The following SLC5A3 variants were observed in gnomAD, a reference collection of about 807,000 sequenced individuals.
The protein encoded by SLC5A3 is sodium/myo-inositol cotransporter.
SLC5A3 carries 10 observed loss-of-function variants against 43.2 expected under a neutral mutation model. The ratio of observed to expected loss-of-function variants is 0.23; its 90% CI spans 0.14 to 0.39. SLC5A3 has a LOEUF of 0.39. SLC5A3 is among the 10% of genes least tolerant of loss of function. SLC5A3 has a pLI of 1.00. For missense variants in SLC5A3, 608 were observed against 893.4 expected, an observed-to-expected ratio of 0.68 and a Z score of 4.07; for synonymous variants, 349 against 322.0, an observed-to-expected ratio of 1.08 and a Z score of -0.90.
At chr21:34,085,296 T>C (rs931945554) in intron 1 of SLC5A3, among the ~76,000 whole-genome samples, 1 of 152,178 alleles carries the variant, frequency 6.6e-6, no homozygotes, top group Non-Finnish European at 1.5e-5. Flanking sequence ...GATTAGCCAT[T>C]GTTGACAGGA....
At chr21:34,076,706 T>C (rs1355882439) in intron 1 of SLC5A3, among the ~76,000 whole-genome samples, 1 of 152,250 alleles carries the variant, frequency 6.6e-6, no homozygotes, top group Non-Finnish European at 1.5e-5. Flanking sequence ...GGTTAAATTC[T>C]GAAATATGAC....
Position 34,095,038 on chromosome 21 carries a change from C to G in SLC5A3, c.-161C>G. 1.2e-6 allele frequency: 1 copy of G among 823,274 alleles called. No individual in the cohort carries two copies. Among genetic ancestry groups the G allele is most frequent in the East Asian group, 2.8e-5 (1 of 35,680 alleles). 51.0% of individuals were successfully genotyped at this position (823,274 alleles called of 1,614,324 possible). On this transcript the variant is annotated 5_prime_UTR_variant, in exon 2 of 2. Transcript: ENST00000381151. ...TCTTCAAAGTTTATCACAACCACCA[C>G]CATCAAGACAGCAAACCAAAGGACA...
chr21:34,102,565 C>A lies in SLC5A3; in HGVS notation c.*5210C>A. The A allele has an allele frequency of 1.0e-6, 1 of 999,894 alleles. No individual in the cohort carries two copies. The highest frequency in any genetic ancestry group is 1.2e-6 in the Non-Finnish European group (1 of 829,698). The allele number at this position is 999,894 out of a possible 1,614,324, so 61.9% of individuals were successfully genotyped here. On this transcript the variant is annotated 3_prime_UTR_variant, in exon 2 of 2. Coordinates refer to ENST00000381151, the MANE Select transcript of SLC5A3 (RefSeq NM_006933.7). ...AATCTTGTGCACTTTACTTTTTGGG[C>A]AGTACCATACATAGTCTGAGGCTAT...
chr21:34,077,311 C>G (rs1007659296), intron 1 of SLC5A3, among the ~76,000 whole-genome samples: 2 of 152,110 alleles, frequency 1.3e-5, no homozygotes, highest in Non-Finnish European at 2.9e-5. Context: ...CTTGGGTATA[C>G]AGGAAGAAGA....
intron 1 of SLC5A3, among the ~76,000 whole-genome samples, chr21:34,093,283 A>G (rs1282381129): frequency 7.6e-6 from 1 of 131,866 alleles, no homozygotes; most frequent in African/African-American, 2.8e-5. Context: ...AATCTTATTT[A>G]TGCCAGCCGT....
At chr21:34,073,909 C>G (rs555397280) in intron 1 of SLC5A3, among the ~76,000 whole-genome samples, 164 bp downstream of exon 1, 2 of 145,390 alleles carry the variant, frequency 1.4e-5, no homozygotes, top group East Asian at 4.0e-4. Context: ...GAAGGGGGCG[C>G]GCGTGGGCCG....
chr21:34,078,572 T>C (rs1423796168), intron 1 of SLC5A3, among the ~76,000 whole-genome samples: 1 of 152,228 alleles, frequency 6.6e-6, no homozygotes, highest in Non-Finnish European at 1.5e-5. Flanking sequence ...ATGCAGACTA[T>C]TGAATCTTCT....
chr21:34,091,636 T>G (rs1978699520), intron 1 of SLC5A3, among the ~76,000 whole-genome samples: 1 of 152,232 alleles, frequency 6.6e-6, no homozygotes, highest in Non-Finnish European at 1.5e-5. Flanking sequence ...CAGTTGCAAT[T>G]TAATTTATCC....
In SLC5A3 at chr21:34,099,960, G is replaced by C; in HGVS notation, c.*2605G>C. 2.2e-6 allele frequency: 1 copy of C among 463,646 alleles called. No individual in the cohort carries two copies. The highest frequency in any genetic ancestry group is 2.9e-6 in the Non-Finnish European group (1 of 339,962). The allele number at this position is 463,646 out of a possible 1,614,324, so 28.7% of individuals were successfully genotyped here. On this transcript the variant is annotated 3_prime_UTR_variant, in exon 2 of 2. Transcript: ENST00000381151. ...CCAGTCTTCAATCTATATTTCATTAGAATGATTGTTCCTGGAATGATCATA... is the reference window on the plus strand; with the variant it reads ...CCAGTCTTCAATCTATATTTCATTACAATGATTGTTCCTGGAATGATCATA...
chr21:34,095,308 G>T lies in SLC5A3; in HGVS notation c.110G>T (p.Ser37Ile), dbSNP rs1432399615. 6.2e-7 allele frequency: 1 copy of T among 1,614,132 alleles called. No homozygotes were observed. Among genetic ancestry groups the T allele is most frequent in the Admixed American group, 1.7e-5 (1 of 60,026 alleles). ...AMWKSNRSTV[S>I]GYFLAGRSMT... ...TGGAAATCTAATAGAAGCACCGTGA[G>T]TGGATACTTCCTGGCGGGGCGCTCT... Residue 37 changes from serine to isoleucine, a missense_variant, in exon 2 of 2, where the codon AGT (serine) becomes ATT (isoleucine). By Grantham distance (142) the Ser-to-Ile change is moderately radical. Around this residue, in one of 2 missense-constraint regions of SLC5A3, gnomAD observed 398 missense variants for 668.6 expected, o/e 0.60. Transcript: ENST00000381151.
At position 34,101,976 on chromosome 21, in the gene SLC5A3, G is replaced by C. The variant is rs1979257537; in HGVS notation, c.*4621G>C. On this transcript the variant is annotated 3_prime_UTR_variant, in exon 2 of 2. Coordinates refer to ENST00000381151, the MANE Select transcript of SLC5A3 (RefSeq NM_006933.7). ...TTGATGCCAAAAAGGTTTTTTTGCA[G>C]TAAAAGTAAAAATTTGGAATTAGTT... 1.0e-6 allele frequency: 1 copy of C among 1,000,092 alleles called. No individual in the cohort carries two copies. Among genetic ancestry groups the C allele is most frequent in the African/African-American group, 1.7e-5 (1 of 57,344 alleles). 62.0% of individuals were successfully genotyped at this position (1,000,092 alleles called of 1,614,324 possible).
At chr21:34,075,143 G>A (rs1019221174) in intron 1 of SLC5A3, among the ~76,000 whole-genome samples, 4 of 152,252 alleles carry the variant, frequency 2.6e-5, no homozygotes, top group African/African-American at 4.8e-5. Flanking sequence ...GGTGGAAGTT[G>A]TTTAAGCCCT....
rs1291328516 is a variant in SLC5A3, at chr21:34,102,383, TGTTTCC to T, written c.*5029_*5034del. The T allele has an allele frequency of 9.0e-6, 9 of 999,232 alleles. No individual in the cohort carries two copies. Among genetic ancestry groups the T allele is most frequent in the African/African-American group, 1.7e-5 (1 of 57,234 alleles). The allele number at this position is 999,232 out of a possible 1,614,324, so 61.9% of individuals were successfully genotyped here. On this transcript the variant is annotated 3_prime_UTR_variant, in exon 2 of 2. Coordinates refer to ENST00000381151, the MANE Select transcript of SLC5A3 (RefSeq NM_006933.7). The stretch of plus-strand genomic sequence containing the variant: ...TGAGAATTGATGTAATTTCTGTTTC[TGTTTCC>T]ATCTAAACTTCTTTATAAAAAGAGG...
chr21:34,086,727 G>A (rs909000906), intron 1 of SLC5A3, among the ~76,000 whole-genome samples: 3 of 152,166 alleles, frequency 2.0e-5, no homozygotes, highest in Admixed American at 2.0e-4. Flanking sequence ...CAAACATGTA[G>A]TGTAAAAATA....
rs1163681728 is a variant in SLC5A3 at position 34,100,197 on chromosome 21, T to G, written c.*2842T>G. 2.0e-6 allele frequency: 2 copies of G among 1,000,266 alleles called. No individual in the cohort carries two copies. The highest frequency in any genetic ancestry group is 1.1e-4 in the East Asian group (1 of 8,820). 62.0% of individuals were successfully genotyped at this position (1,000,266 alleles called of 1,614,324 possible). ...TGGAAGGTAGAGAAAAATAAATGTC[T>G]TACCAGGTGTTAATGGTATCCCCAG... On this transcript the variant is annotated 3_prime_UTR_variant, in exon 2 of 2. Coordinates refer to ENST00000381151, the MANE Select transcript of SLC5A3 (RefSeq NM_006933.7).
chr21:34,091,862 T>C (rs1978712507), intron 1 of SLC5A3, among the ~76,000 whole-genome samples: 1 of 152,130 alleles, frequency 6.6e-6, no homozygotes, highest in Non-Finnish European at 1.5e-5. Context: ...AGAAGCTTTT[T>C]AAGAAAAAAA....
In SLC5A3 at chr21:34,102,061, C is replaced by G. The variant is rs1173154477; in HGVS notation, c.*4706C>G. 6.0e-6 allele frequency: 6 copies of G among 999,808 alleles called. No individual in the cohort carries two copies. Among genetic ancestry groups the G allele is most frequent in the Non-Finnish European group, 7.2e-6 (6 of 829,706 alleles). The allele number at this position is 999,808 out of a possible 1,614,324, so 61.9% of individuals were successfully genotyped here. On this transcript the variant is annotated 3_prime_UTR_variant, in exon 2 of 2. Transcript: ENST00000381151. ...TGAGGCTGGATTGTGAAAAGGTAAT[C>G]TTTCGATTGCTAGACTTGGTTAACT... is the stretch of plus-strand genomic sequence containing the variant.
In SLC5A3 at chr21:34,098,001, T is replaced by C. The variant is rs896822468; in HGVS notation, c.*646T>C. On this transcript the variant is annotated 3_prime_UTR_variant, in exon 2 of 2. Transcript: ENST00000381151. ...AACTTTGTTCCAGTTCCTTTTTTTT[T>C]TTCTTTCTACTTTCAAGTTTAAGTG... The C allele has an allele frequency of 8.0e-6, 8 of 999,176 alleles. No individual in the cohort carries two copies. In the African/African-American group the frequency reaches 1.0e-4, roughly 13 times the overall value. The allele number at this position is 999,176 out of a possible 1,614,324, so 61.9% of individuals were successfully genotyped here.
intron 1 of SLC5A3, among the ~76,000 whole-genome samples, chr21:34,093,398 G>GT (rs758322723): frequency 6.6e-6 from 1 of 152,146 alleles, no homozygotes; most frequent in East Asian, 1.9e-4. Context: ...TATCCAGGCA[G>GT]TTTTTTCTGC....
Sources: gnomAD v4.1 joint callset for allele counts (sites outside exome capture counted in the v4.1 genomes callset) on GRCh38, gnomAD v4.1.1 for gene constraint, gnomAD v4.1.1 regional missense constraint, MANE v1.5 for transcripts, NCBI Gene and HGNC (gene_info 2026-07-23, HGNC 2026-07-21) for gene names.